PDE4DIP: variants seen among roughly 807,000 people sequenced by gnomAD.
PDE4DIP encodes phosphodiesterase 4D interacting protein.
In PDE4DIP, 59 loss-of-function variants were observed where a neutral mutation model predicts 221.4. The observed-to-expected ratio is 0.27, with a 90% CI of 0.22 to 0.33. PDE4DIP has a LOEUF of 0.33. PDE4DIP is among the 10% of genes least tolerant of loss of function. The probability of loss-of-function intolerance (pLI) is 1.00; values close to 1 mark genes in which losing one functional copy is unlikely to be tolerated. For synonymous variants in PDE4DIP, 404 were observed against 815.9 expected (o/e 0.50, Z 8.60); for missense variants, 1,036 against 2,154.2 (o/e 0.48, Z 10.28).
intron 1 of PDE4DIP, among the ~76,000 whole-genome samples, chr1:148,904,946 G>C (rs587763617): frequency 8.6e-6 from 1 of 115,704 alleles, no homozygotes; most frequent in South Asian, 3.3e-4. Flanking sequence ...TTTAGGGAGG[G>C]TTCCCTCTTT....
intron 21 of PDE4DIP, among the ~76,000 whole-genome samples, chr1:148,987,817 C>A (rs1351146675): frequency 1.3e-5 from 2 of 152,052 alleles, no homozygotes; most frequent in Non-Finnish European, 2.9e-5. Flanking sequence ...CCTGTAGTCA[C>A]AGTTACTTGG....
chr1:148,963,827 C>T lies in PDE4DIP; in HGVS notation c.1194+1187C>T, dbSNP rs587611987. Among the ~76,000 whole-genome samples, 28 of 125,828 alleles carry T rather than the reference C, an allele frequency of 2.2e-4. No individual in the cohort carries two copies. The South Asian group carries it at 8.0e-3, about 36-fold the overall frequency. 82.5% of individuals were successfully genotyped at this position (125,828 alleles called of 152,430 possible). On this transcript the variant is annotated intron_variant, in intron 9 of 43. Coordinates refer to ENST00000369354, the Ensembl canonical transcript of PDE4DIP. Reference sequence around the variant, plus strand: ...GGAGTACAGTGGCGCGATCTCGGCTCGCTGCAAGCTCCGCCTCTCGGGTTC... The same window carrying T: ...GGAGTACAGTGGCGCGATCTCGGCTTGCTGCAAGCTCCGCCTCTCGGGTTC...
intron 23 of PDE4DIP, among the ~76,000 whole-genome samples, chr1:149,001,287 A>G (rs1362808601): frequency 1.4e-5 from 2 of 145,668 alleles, no homozygotes; most frequent in African/African-American, 5.0e-5. Context: ...TCCAGAGGCT[A>G]CTAAAAATTA....
intron 5 of PDE4DIP, among the ~76,000 whole-genome samples, chr1:148,956,143 A>AT (rs1224165990): frequency 5.3e-5 from 8 of 151,972 alleles, no homozygotes; most frequent in African/African-American, 1.9e-4. Flanking sequence ...AAATAATATA[A>AT]TTTTTTTTGG....
chr1:149,006,423 G>A (rs1346570798), intron 27 of PDE4DIP: 6 of 152,162 alleles, frequency 3.9e-5, no homozygotes, highest in African/African-American at 1.4e-4. Flanking sequence ...GATGGTATGA[G>A]CGTTTAAATG....
chr1:148,930,555 C>A (rs1357450817), intron 2 of PDE4DIP: 1 of 150,810 alleles, frequency 6.6e-6, no homozygotes, highest in East Asian at 1.9e-4. Flanking sequence ...ACACCAATAA[C>A]ATTCAAGCTG....
chr1:148,844,166 A>C (rs1675772970), intron 1 of PDE4DIP, among the ~76,000 whole-genome samples: 1 of 51,328 alleles, frequency 1.9e-5, no homozygotes, highest in Non-Finnish European at 4.7e-5. Flanking sequence ...TCCTCTACAA[A>C]TTCTTCCTGT....
chr1:148,879,892 G>A (rs1693044067), intron 3 of PDE4DIP, among the ~76,000 whole-genome samples: 1 of 144,102 alleles, frequency 6.9e-6, no homozygotes, highest in African/African-American at 2.8e-5. Flanking sequence ...TCCTTGGGAG[G>A]CCCCAGCATC....
upstream of PDE4DIP, among the ~76,000 whole-genome samples, chr1:148,884,481 T>TCC: frequency 8.1e-6 from 1 of 123,056 alleles, no homozygotes; most frequent in Non-Finnish European, 1.8e-5. Context: ...AGACGGAGTC[T>TCC]TGCTCTGTCA....
chr1:148,948,630 A>G (rs2052385140), intron 5 of PDE4DIP, among the ~76,000 whole-genome samples: 1 of 152,106 alleles, frequency 6.6e-6, no homozygotes, highest in African/African-American at 2.4e-5. Context: ...CCCTCAAATT[A>G]AAATTTTGAG....
chr1:148,953,003 T>C (rs781861682), intron 5 of PDE4DIP: 1 of 1,613,926 alleles, frequency 6.2e-7, no homozygotes, highest in Non-Finnish European at 8.5e-7. Context: ...TGAAGCGCTT[T>C]CTATTGAGCG....
chr1:149,015,473 A>G (rs1328525325), intron 32 of PDE4DIP, among the ~76,000 whole-genome samples: 3 of 151,610 alleles, frequency 2.0e-5, no homozygotes, highest in Non-Finnish European at 4.4e-5. Flanking sequence ...AGGCTTCTGA[A>G]TTTTCTCCTA....
intron 43 of PDE4DIP, among the ~76,000 whole-genome samples, chr1:149,031,546 A>G (rs1473271161): frequency 7.9e-5 from 12 of 150,984 alleles, no homozygotes; most frequent in African/African-American, 2.9e-4. Flanking sequence ...TCCCAGCAAA[A>G]TGTCCTCTTC....
chr1:148,979,657 C>T, intron 19 of PDE4DIP, 80 bp from the exon 23 acceptor site: 1 of 1,284,896 alleles, frequency 7.8e-7, no homozygotes, highest in African/African-American at 1.5e-5. Flanking sequence ...AGTCATAGTA[C>T]ATGCTAATGC....
chr1:148,955,706 G>GA (rs1279335581), intron 5 of PDE4DIP, among the ~76,000 whole-genome samples: 6 of 151,810 alleles, frequency 4.0e-5, no homozygotes, highest in Admixed American at 2.0e-4. Context: ...GAGATTATGT[G>GA]AAAAAAATTG....
chr1:148,821,053 G>T (rs1448914149), intron 1 of PDE4DIP, among the ~76,000 whole-genome samples: 1 of 149,980 alleles, frequency 6.7e-6, no homozygotes, highest in African/African-American at 2.5e-5. Context: ...GGGTTTCACC[G>T]TGTTAGCCAG....
intron 1 of PDE4DIP, among the ~76,000 whole-genome samples, chr1:148,918,937 T>A (rs1253648054): frequency 1.2e-5 from 1 of 85,530 alleles, no homozygotes; most frequent in East Asian, 2.7e-4. Flanking sequence ...GACTGGACAC[T>A]AAAGCAGGCT....
rs150067299 is a variant in PDE4DIP, at chr1:148,987,514, A to C, written c.2816-4371A>C. ...GGAGTCAGAGTGAAATTGGGCTGAG[A>C]GTATTAGACACAAGGGCCCGGTACC... On this transcript the variant is annotated intron_variant, in intron 21 of 43. Transcript: ENST00000369354. Among the ~76,000 whole-genome samples the C allele has an allele frequency of 1.6e-3, 249 of 152,330 alleles. 1 individual carries two copies. The highest frequency in any genetic ancestry group is 5.9e-3 in the African/African-American group (246 of 41,580).
In PDE4DIP at chr1:148,961,854, TAATGA is replaced by T. The variant is rs1559014447; in HGVS notation, c.792_796del (p.Met265LeufsTer2). 1 of 1,544,212 alleles carries T rather than the reference TAATGA, an allele frequency of 6.5e-7. No homozygotes were observed. Among genetic ancestry groups the T allele is most frequent in the Non-Finnish European group, 9.0e-7 (1 of 1,116,720 alleles). On this transcript the variant is annotated frameshift_variant, in exon 7 of 44. Transcript: ENST00000369354. LOFTEE classifies it high-confidence loss of function. ...GAATTCAGATTCTTCAAGAGAAACTTAATGAAATGAGCTATGAACTAAAGTGTGCT... is the reference window on the plus strand; with the variant it reads ...GAATTCAGATTCTTCAAGAGAAACTTAATGAGCTATGAACTAAAGTGTGCT...
Sources: allele counts gnomAD v4.1 joint callset (sites outside exome capture counted in the v4.1 genomes callset), GRCh38; gene constraint gnomAD v4.1.1; transcripts MANE v1.5; gene names NCBI Gene and HGNC (gene_info 2026-07-23, HGNC 2026-07-21).